SYAP1: variants seen among roughly 807,000 people sequenced by gnomAD.
The protein encoded by SYAP1 is synapse-associated protein 1.
In SYAP1, 3 loss-of-function variants were observed where a neutral mutation model predicts 29.6. The observed-to-expected ratio is 0.10, with a 90% confidence interval of 0.05 to 0.26. The LOEUF (loss-of-function observed/expected upper bound fraction) is 0.26. Ranked by LOEUF, SYAP1 falls within the 10% of genes least tolerant of loss-of-function variation. SYAP1 has a pLI of 1.00. For missense variants in SYAP1, 217 were observed against 264.1 expected, an observed-to-expected ratio of 0.82 and a Z score of 1.24; for synonymous variants, 102 against 102.7, an observed-to-expected ratio of 0.99 and a Z score of 0.04.
At chrX:16,732,763 T>C (rs1202786042) in intron 1 of SYAP1, among the ~76,000 whole-genome samples, 2 of 111,922 alleles carry the variant, frequency 1.8e-5, no homozygotes, top group East Asian at 5.7e-4. Flanking sequence ...TCACTCAATC[T>C]TAGCATTTGT....
chrX:16,735,346 G>T lies in SYAP1; in HGVS notation c.294+1G>T. ...AAAAATAGATGGCATCATTGACAAG[G>T]TATATTCAATTATCTTTTGGAAGTA... is the stretch of plus-strand genomic sequence containing the variant. On this transcript the variant is annotated splice_donor_variant, in intron 2 of 8. Coordinates refer to ENST00000380155, the MANE Select transcript of SYAP1 (RefSeq NM_032796.4). LOFTEE classifies it high-confidence loss of function. 1 of 1,078,897 alleles carries T rather than the reference G, an allele frequency of 9.3e-7. No individual in the cohort carries two copies. Among genetic ancestry groups the T allele is most frequent in the African/African-American group, 1.8e-5 (1 of 54,114 alleles). The allele number at this position is 1,078,897 out of a possible 1,213,427, so 88.9% of individuals were successfully genotyped here. A position where few individuals can be genotyped will look rare whatever the true frequency, so the allele number is the denominator to read the frequency against.
intron 1 of SYAP1, among the ~76,000 whole-genome samples, chrX:16,723,833 G>C (rs1926021474): frequency 9.0e-6 from 1 of 111,128 alleles, no homozygotes; most frequent in Admixed American, 9.7e-5. Flanking sequence ...ATTCCTTTCA[G>C]TTCTTCAAGC....
intron 5 of SYAP1, among the ~76,000 whole-genome samples, chrX:16,748,620 C>T (rs1198147643): frequency 3.6e-5 from 4 of 112,491 alleles, no homozygotes; most frequent in Non-Finnish European, 7.5e-5. Context: ...TCCTTTCCTG[C>T]CTTGGCCTTG....
At chrX:16,734,840 AC>A (rs1279151466) in intron 1 of SYAP1, among the ~76,000 whole-genome samples, 1 of 108,496 alleles carries the variant, frequency 9.2e-6, no homozygotes, top group Non-Finnish European at 1.9e-5. Context: ...TACTAAAAAT[AC>A]CAAAAAAATT....
rs1454724649 is a variant in SYAP1 at position 16,743,771 on chromosome X, C to T, written c.506C>T (p.Pro169Leu). The change falls in exon 5 of 9, where the codon CCC becomes CTC. Residue 169 changes from proline (P) to leucine (L), a missense_variant. Pro to Leu is a moderately conservative substitution (Grantham distance 98, BLOSUM62 -3). Coordinates refer to ENST00000380155, the MANE Select transcript of SYAP1 (RefSeq NM_032796.4). ...AATTTCGACTTTGATCAGATGTACCCCGTGGCCCTGGTCATGCTCCAGGAG... is the reference window on the plus strand; with the variant it reads ...AATTTCGACTTTGATCAGATGTACCTCGTGGCCCTGGTCATGCTCCAGGAG... ...QFNFDFDQMYPVALVMLQEDE... is the reference protein window; with the variant it reads ...QFNFDFDQMYLVALVMLQEDE... The T allele has an allele frequency of 8.3e-7, 1 of 1,208,408 alleles. No homozygotes were observed. Among genetic ancestry groups the T allele is most frequent in the Non-Finnish European group, 1.1e-6 (1 of 894,242 alleles).
rs942627315 is a variant in SYAP1 at position 16,730,797 on chromosome X, A to G, written c.176-4430A>G. ...TTACTTTAGGACAAGAATTTGCCAT[A>G]CAAGGTCCTTTCTTATATAAAATCT... On this transcript the variant is annotated intron_variant, in intron 1 of 8. Transcript: ENST00000380155. 3.6e-5 allele frequency among the ~76,000 whole-genome samples: 4 copies of G among 112,360 alleles called. No individual in the cohort carries two copies. The Admixed American group carries it at 3.8e-4, about 11-fold the overall frequency.
At chrX:16,757,441 T>A (rs1926867876) in intron 8 of SYAP1, 132 bp downstream of exon 8, 1 of 736,060 alleles carries the variant, frequency 1.4e-6, no homozygotes, top group Non-Finnish European at 1.9e-6. Flanking sequence ...TTGATTCTTG[T>A]CAGAGGCAAT....
At chrX:16,734,996 C>CAA (rs1213395857) in intron 1 of SYAP1, among the ~76,000 whole-genome samples, 11 of 9,907 alleles carry the variant, frequency 1.1e-3, no homozygotes, top group Non-Finnish European at 1.3e-3. Flanking sequence ...GAGACTGTCT[C>CAA]AAAAAAAAAA....
At chrX:16,757,437 C>A in intron 8 of SYAP1, 128 bp downstream of exon 8, 1 of 790,269 alleles carries the variant, frequency 1.3e-6, no homozygotes, top group Non-Finnish European at 1.7e-6. Flanking sequence ...AAAATTGATT[C>A]TTGTCAGAGG....
At chrX:16,741,205 G>GT (rs749843131) in intron 3 of SYAP1, among the ~76,000 whole-genome samples, 2 of 109,483 alleles carry the variant, frequency 1.8e-5, no homozygotes, top group East Asian at 2.9e-4. Context: ...TTTGTTTTTT[G>GT]TTTTTTTTCT....
At chrX:16,720,132 A>G (rs1455053311) in intron 1 of SYAP1, among the ~76,000 whole-genome samples, 1 of 112,067 alleles carries the variant, frequency 8.9e-6, no homozygotes, top group Admixed American at 9.4e-5. Flanking sequence ...CCTGGTGACA[A>G]GTCTACAAAG....
intron 4 of SYAP1, among the ~76,000 whole-genome samples, chrX:16,743,188 C>T (rs191338691): frequency 1.7e-4 from 18 of 107,875 alleles, no homozygotes; most frequent in East Asian, 1.5e-3. Flanking sequence ...ATTAGCCAGG[C>T]GTGCTAGCAC....
At chrX:16,739,241 C>T (rs1243340162) in intron 3 of SYAP1, among the ~76,000 whole-genome samples, 1 of 111,149 alleles carries the variant, frequency 9.0e-6, no homozygotes, top group Admixed American at 9.7e-5. Flanking sequence ...CATTTGCTGA[C>T]TTGGGATAAG....
At chrX:16,758,599 G>C (rs917839920) in intron 8 of SYAP1, among the ~76,000 whole-genome samples, 11 of 110,465 alleles carry the variant, frequency 1.0e-4, no homozygotes, top group Non-Finnish European at 1.9e-5. Context: ...GCCTCCCAAA[G>C]TGCTGGGATT....
Position 16,732,782 on chromosome X carries a change from T to C in SYAP1, c.176-2445T>C, listed in dbSNP as rs748564748. On this transcript the variant is annotated intron_variant, in intron 1 of 8. Transcript: ENST00000380155. ...TCAATCTTAGCATTTGTTCTGTCAC[T>C]CCCCATTCATCCATTCAACAAGTAC... is the stretch of plus-strand genomic sequence containing the variant. Among the ~76,000 whole-genome samples, 10 of 111,975 alleles carry C rather than the reference T, an allele frequency of 8.9e-5. No individual in the cohort carries two copies. In the East Asian group the frequency reaches 2.5e-3, roughly 28 times the overall value.
At chrX:16,726,567 A>G (rs769842740) in intron 1 of SYAP1, among the ~76,000 whole-genome samples, 3 of 111,845 alleles carry the variant, frequency 2.7e-5, no homozygotes, top group Non-Finnish European at 5.6e-5. Flanking sequence ...CAGTACTGAA[A>G]CAGTTGTGAT....
At chrX:16,744,689 G>A (rs777660415) in intron 5 of SYAP1, among the ~76,000 whole-genome samples, 29 of 111,160 alleles carry the variant, frequency 2.6e-4, no homozygotes, top group Middle Eastern at 4.7e-3. Context: ...AGAATTAGCC[G>A]GGCGTGGTGG....
chrX:16,748,468 C>T (rs1926656219), intron 5 of SYAP1, among the ~76,000 whole-genome samples: 1 of 112,696 alleles, frequency 8.9e-6, no homozygotes, highest in African/African-American at 3.2e-5. Context: ...AAACAAAACA[C>T]TTGCTCTGGA....
chrX:16,753,680 C>T (rs186984781), intron 5 of SYAP1, among the ~76,000 whole-genome samples: 1 of 111,232 alleles, frequency 9.0e-6, no homozygotes, highest in African/African-American at 3.3e-5. Context: ...TCTGCATGCT[C>T]TCAGTGGACA....
Sources: allele counts gnomAD v4.1 joint callset (sites outside exome capture counted in the v4.1 genomes callset), GRCh38; gene constraint gnomAD v4.1.1; transcripts MANE v1.5; gene names NCBI Gene and HGNC (gene_info 2026-07-23, HGNC 2026-07-21).